The following CEP162 variants were observed in gnomAD, a reference collection of about 807,000 sequenced individuals.
CEP162 encodes the protein centrosomal protein of 162 kDa.
A neutral mutation model predicts 169.2 loss-of-function variants in CEP162; 141 were observed. The ratio of observed to expected loss-of-function variants is 0.83; its 90% CI spans 0.73 to 0.96. The LOEUF is 0.96. CEP162 is among the 40% of genes least tolerant of loss of function. The pLI is 0.00. For synonymous variants in CEP162, 540 were observed against 526.4 expected (o/e 1.03, Z -0.35); for missense variants, 1,600 against 1,587.2 (o/e 1.01, Z -0.14).
chr6:84,185,349 T>C lies in CEP162; in HGVS notation c.1501A>G (p.Lys501Glu). The change falls in exon 13 of 27, where the codon AAA (lysine) becomes GAA (glutamate). Residue 501 changes from lysine to glutamate, a missense_variant. Lys to Glu is a moderately conservative substitution (Grantham distance 56). Transcript: ENST00000403245. Reference protein sequence around the residue: ...ARSAPPLLKRKPQSGLYASVR... With the variant: ...ARSAPPLLKREPQSGLYASVR... ...GACGCATATAATCCACTCTGGGGTTTCCTTTTAAGTAAAGGAGGTGCACTT... is the reference window on the plus strand; with the variant it reads ...GACGCATATAATCCACTCTGGGGTTCCCTTTTAAGTAAAGGAGGTGCACTT... 6.2e-7 allele frequency: 1 copy of C among 1,613,714 alleles called. No individual in the cohort carries two copies.
At position 84,219,123 on chromosome 6, in the gene CEP162, C is replaced by A. The variant is rs58724218; in HGVS notation, c.172+1934G>T. On this transcript the variant is annotated intron_variant, in intron 3 of 26. Transcript: ENST00000403245. ...GGTACCTGTCTTAAGATTAATAATG[C>A]ATTCCTCTTCTCAAGAGGAGTGTTG... 693 of 1,221,898 alleles carry A rather than the reference C, an allele frequency of 5.7e-4. 5 individuals are homozygous for A. In the African/African-American group the frequency reaches 9.7e-3, roughly 17 times the overall value. The allele number at this position is 1,221,898 out of a possible 1,614,324, so 75.7% of individuals were successfully genotyped here.
intron 25 of CEP162, among the ~76,000 whole-genome samples, chr6:84,133,136 T>C (rs947543367): frequency 7.9e-5 from 12 of 151,936 alleles, no homozygotes; most frequent in African/African-American, 2.9e-4. Context: ...CTCCAGACAC[T>C]GTTTGCCTGG....
At chr6:84,131,997 G>A (rs765809953) in intron 25 of CEP162, among the ~76,000 whole-genome samples, 15 of 152,130 alleles carry the variant, frequency 9.9e-5, no homozygotes, top group South Asian at 4.1e-4. Flanking sequence ...TCCTTTCCAC[G>A]TTTAGTGCTT....
chr6:84,172,465 T>C (rs1562040000), intron 16 of CEP162, among the ~76,000 whole-genome samples: 1 of 152,198 alleles, frequency 6.6e-6, no homozygotes. Context: ...ATAGACTGTT[T>C]TACCATGTCT....
chr6:84,152,752 T>A lies in CEP162; in HGVS notation c.3422A>T (p.His1141Leu). 6.2e-7 allele frequency: 1 copy of A among 1,613,392 alleles called. No individual in the cohort carries two copies. The highest frequency in any genetic ancestry group is 1.3e-5 in the African/African-American group (1 of 75,042). Reference sequence around the variant, plus strand: ...GGAGTTAGCATTTCCTTTACTTGAGTGCAAAACATCTTTCTTTGCCCTTTT... The same window carrying A: ...GGAGTTAGCATTTCCTTTACTTGAGAGCAAAACATCTTTCTTTGCCCTTTT... The part of the protein sequence containing the change: ...SAKRAKKDVL[H>L]SSKGNANSFP... Residue 1141 changes from histidine to leucine, a missense_variant, in exon 23 of 27, where the codon CAC becomes CTC. His to Leu is a moderately conservative substitution (Grantham distance 99, BLOSUM62 -3). Coordinates refer to ENST00000403245, the MANE Select transcript of CEP162 (RefSeq NM_014895.4).
intron 6 of CEP162, among the ~76,000 whole-genome samples, chr6:84,207,460 C>T (rs181854696): frequency 7.2e-4 from 109 of 151,020 alleles, no homozygotes; most frequent in African/African-American, 2.3e-3. Flanking sequence ...AGCAAACTGT[C>T]GCAAGGACAG....
intron 18 of CEP162, among the ~76,000 whole-genome samples, chr6:84,163,919 C>T (rs991182923): frequency 6.6e-6 from 1 of 151,464 alleles, no homozygotes; most frequent in Non-Finnish European, 1.5e-5. Flanking sequence ...GAACAGGCAA[C>T]CTACAGAATG....
Position 84,134,527 on chromosome 6 carries a change from A to G in CEP162, c.3871-8015T>C, listed in dbSNP as rs775009647. Among the ~76,000 whole-genome samples the G allele has an allele frequency of 5.3e-5, 8 of 152,298 alleles. No individual in the cohort carries two copies. The South Asian group carries it at 1.7e-3, about 32-fold the overall frequency. Reference sequence around the variant, plus strand: ...TGTGCATTGCGAAGACCTTGGGAAAAGCATAGTAACTGGGCTGGAGTGCAC... The same window carrying G: ...TGTGCATTGCGAAGACCTTGGGAAAGGCATAGTAACTGGGCTGGAGTGCAC... On this transcript the variant is annotated intron_variant, in intron 25 of 26. Transcript: ENST00000403245.
chr6:84,181,228 C>T (rs956544114), intron 13 of CEP162, among the ~76,000 whole-genome samples: 5 of 152,050 alleles, frequency 3.3e-5, no homozygotes, highest in Non-Finnish European at 7.4e-5. Flanking sequence ...CTTTGACAAA[C>T]CTGACAAAAA....
rs138586174 is a variant in CEP162 at position 84,200,823 on chromosome 6, T to C, written c.801A>G (p.Leu267=). Residue 267 remains leucine, a synonymous_variant, in exon 9 of 27, where the codon CTA becomes CTG. Transcript: ENST00000403245. ...QDKITPKPRC[L]PEMTENEMTG... ...TCATTTCATTCTCAGTCATTTCTGG[T>C]AGGCACCTTGGCTTAGGTGTTATTT... is the stretch of plus-strand genomic sequence containing the variant. The C allele has an allele frequency of 2.4e-5, 39 of 1,609,550 alleles. No homozygotes were observed. The African/African-American group carries it at 5.1e-4, about 21-fold the overall frequency.
chr6:84,161,823 C>G lies in CEP162; in HGVS notation c.2599G>C (p.Glu867Gln), dbSNP rs1406502469. The G allele has an allele frequency of 2.5e-6, 4 of 1,599,122 alleles. No homozygotes were observed. The highest frequency in any genetic ancestry group is 1.3e-5 in the African/African-American group (1 of 74,724). The part of the protein sequence containing the change: ...RLQKRLQWYA[E>Q]NQELLDKDAL... ...TCTTTATCCAGAAGTTCCTGATTTT[C>G]AGCATACCACTGTAATCTTTTTTGC... Residue 867 changes from glutamate to glutamine, a missense_variant, in exon 20 of 27, where the codon GAA becomes CAA. Glu to Gln is a conservative substitution (Grantham distance 29). Transcript: ENST00000403245.
At chr6:84,130,430 T>A (rs1705091172) in intron 25 of CEP162, among the ~76,000 whole-genome samples, 1 of 152,204 alleles carries the variant, frequency 6.6e-6, no homozygotes, top group Non-Finnish European at 1.5e-5. Flanking sequence ...TCAGAAGGAT[T>A]GGTACCAGCT....
At chr6:84,187,461 A>G (rs188603368) in intron 11 of CEP162, among the ~76,000 whole-genome samples, 37 of 152,322 alleles carry the variant, frequency 2.4e-4, no homozygotes, top group African/African-American at 8.2e-4. Flanking sequence ...CAGAAATATA[A>G]TAGTTCTTTC....
At chr6:84,213,488 C>A (rs2099550337) in intron 5 of CEP162, among the ~76,000 whole-genome samples, 1 of 152,142 alleles carries the variant, frequency 6.6e-6, no homozygotes, top group African/African-American at 2.4e-5. Context: ...AAAACAAAAC[C>A]TAAGCAAGGG....
In CEP162 at chr6:84,124,617, C is replaced by A; in HGVS notation, c.*453G>T. The A allele has an allele frequency of 5.5e-6, 1 of 180,574 alleles. No homozygotes were observed. Among genetic ancestry groups the A allele is most frequent in the Non-Finnish European group, 1.1e-5 (1 of 88,734 alleles). The allele number at this position is 180,574 out of a possible 1,614,324, so 11.2% of individuals were successfully genotyped here. On this transcript the variant is annotated 3_prime_UTR_variant, in exon 27 of 27. Coordinates refer to ENST00000403245, the MANE Select transcript of CEP162 (RefSeq NM_014895.4). ...GCGGCAGTAAGCGTTGAAAAATTAC[C>A]TGTTGGGTACAGTGTTTAATATTTG...
intron 22 of CEP162, among the ~76,000 whole-genome samples, chr6:84,154,830 C>T (rs1487448594): frequency 6.6e-6 from 1 of 151,998 alleles, no homozygotes; most frequent in Non-Finnish European, 1.5e-5. Flanking sequence ...CTGATTCATT[C>T]CTGTTTCACA....
At chr6:84,225,234 T>C (rs2099555238) in intron 2 of CEP162, among the ~76,000 whole-genome samples, 1 of 152,156 alleles carries the variant, frequency 6.6e-6, no homozygotes. Context: ...ATAGAGTATA[T>C]TTACACAAAC....
At chr6:84,207,916 T>A (rs1006969009) in intron 6 of CEP162, among the ~76,000 whole-genome samples, 1 of 152,284 alleles carries the variant, frequency 6.6e-6, no homozygotes, top group East Asian at 1.9e-4. Context: ...TAATATTTAT[T>A]TTTAAAAGAC....
chr6:84,143,840 T>C (rs1379312991), intron 25 of CEP162, among the ~76,000 whole-genome samples: 2 of 152,018 alleles, frequency 1.3e-5, no homozygotes, highest in Non-Finnish European at 2.9e-5. Context: ...TCTTTACCTT[T>C]AAGTTAATTT....
Sources: allele counts gnomAD v4.1 joint callset (sites outside exome capture counted in the v4.1 genomes callset), GRCh38; gene constraint gnomAD v4.1.1; transcripts MANE v1.5; gene names NCBI Gene and HGNC (gene_info 2026-07-23, HGNC 2026-07-21).